The following SLC36A1 variants were observed in gnomAD, a reference collection of about 807,000 sequenced individuals.
The protein encoded by SLC36A1 is proton-coupled amino acid transporter 1.
SLC36A1 carries 30 observed loss-of-function variants against 47.5 expected under a neutral mutation model. That is an observed-to-expected ratio of 0.63 (90% CI 0.47 to 0.86). SLC36A1 has a LOEUF of 0.86. Ranked by LOEUF, SLC36A1 falls within the 40% of genes least tolerant of loss-of-function variation. The pLI is 0.00. For synonymous variants in SLC36A1, 255 were observed against 249.7 expected, an observed-to-expected ratio of 1.02 and a Z score of -0.20; for missense variants, 517 against 606.0, an observed-to-expected ratio of 0.85 and a Z score of 1.54.
At chr5:151,376,410 A>G in the SLC36A1 span, among the ~76,000 whole-genome samples, 2 of 151,678 alleles carry the variant, frequency 1.3e-5, no homozygotes, top group African/African-American at 2.4e-5. Flanking sequence ...TTTGTTTTCA[A>G]TTTCATTTAG....
chr5:151,443,375 G>A (rs1042718141), upstream of SLC36A1, among the ~76,000 whole-genome samples: 1 of 152,076 alleles, frequency 6.6e-6, no homozygotes, highest in African/African-American at 2.4e-5. Flanking sequence ...ACATGTATGA[G>A]GTGATATCTA....
the SLC36A1 span, among the ~76,000 whole-genome samples, chr5:151,376,331 G>T: frequency 1.3e-5 from 2 of 152,096 alleles, no homozygotes; most frequent in Non-Finnish European, 2.9e-5. Context: ...AGTCTAGCTA[G>T]AAGTTTGTCA....
the SLC36A1 span, among the ~76,000 whole-genome samples, chr5:151,345,051 A>G: frequency 6.6e-6 from 1 of 152,170 alleles, no homozygotes. Flanking sequence ...CCTTCCTTTA[A>G]GACAAATGCG....
intron 1 of SLC36A1, among the ~76,000 whole-genome samples, chr5:151,457,992 G>T (rs374987296): frequency 9.2e-5 from 14 of 152,034 alleles, no homozygotes; most frequent in African/African-American, 3.1e-4. Context: ...GGGATTACAG[G>T]CATGCACCAC....
At chr5:151,530,300 C>T in the SLC36A1 span, among the ~76,000 whole-genome samples, 3 of 150,460 alleles carry the variant, frequency 2.0e-5, no homozygotes, top group African/African-American at 7.3e-5. Flanking sequence ...AGACATGATG[C>T]AAACAGCATA....
the SLC36A1 span, among the ~76,000 whole-genome samples, chr5:151,370,348 G>A: frequency 6.6e-6 from 1 of 151,438 alleles, no homozygotes; most frequent in African/African-American, 2.4e-5. Context: ...TTATTGTGTT[G>A]TTGTTGTATA....
At chr5:151,404,598 T>C in the SLC36A1 span, among the ~76,000 whole-genome samples, 1 of 152,228 alleles carries the variant, frequency 6.6e-6, no homozygotes, top group African/African-American at 2.4e-5. Context: ...CTTTTGAGGC[T>C]GCTCTAGTGG....
the SLC36A1 span, among the ~76,000 whole-genome samples, chr5:151,430,233 T>G: frequency 6.6e-6 from 1 of 151,476 alleles, no homozygotes; most frequent in Non-Finnish European, 1.5e-5. Flanking sequence ...GGCATGATCT[T>G]GACTCAGTGC....
At chr5:151,543,610 A>G in the SLC36A1 span, 28 of 1,614,064 alleles carry the variant, frequency 1.7e-5, no homozygotes, top group South Asian at 1.6e-4. Flanking sequence ...ATCTTTGTCT[A>G]TGGCTAGCAA....
At chr5:151,472,727 C>T (rs529533719) in intron 7 of SLC36A1, among the ~76,000 whole-genome samples, 3 of 152,218 alleles carry the variant, frequency 2.0e-5, no homozygotes, top group Non-Finnish European at 4.4e-5. Context: ...AAAAATGTAC[C>T]ACTTTCTCTT....
the SLC36A1 span, among the ~76,000 whole-genome samples, chr5:151,349,402 G>A: frequency 6.6e-6 from 1 of 152,136 alleles, no homozygotes; most frequent in South Asian, 2.1e-4. Flanking sequence ...GGGTGGGGAT[G>A]TCCAAAATAA....
the SLC36A1 span, chr5:151,521,496 T>G: frequency 2.5e-6 from 4 of 1,614,242 alleles, no homozygotes; most frequent in Non-Finnish European, 3.4e-6. Context: ...TGATGGATGC[T>G]AGCTCCTGAA....
At chr5:151,550,534 CA>C in the SLC36A1 span, 1 of 1,570,368 alleles carries the variant, frequency 6.4e-7, no homozygotes, top group Non-Finnish European at 8.7e-7. Flanking sequence ...CAAGCATGTC[CA>C]CCCCTACACA....
At position 151,464,497 on chromosome 5, in the gene SLC36A1, G is replaced by A. The variant is rs1328334585; in HGVS notation, c.235-17G>A. The A allele has an allele frequency of 1.2e-6, 2 of 1,608,208 alleles. No individual in the cohort carries two copies. Among genetic ancestry groups the A allele is most frequent in the South Asian group, 2.2e-5 (2 of 90,952 alleles). ...CTACTTTTCTCTCTCTCTTTTGCCT[G>A]CAATATCTGTCCCCAGATGGGTCCC... is the stretch of plus-strand genomic sequence containing the variant. On this transcript the variant is annotated splice_polypyrimidine_tract_variant and intron_variant, in intron 3 of 10. Transcript: ENST00000243389.
At chr5:151,456,605 G>T (rs778601527) in intron 1 of SLC36A1, among the ~76,000 whole-genome samples, 3 of 151,998 alleles carry the variant, frequency 2.0e-5, no homozygotes, top group Admixed American at 2.0e-4. Flanking sequence ...GCTGGTTGGC[G>T]TCCTTGAATT....
chr5:151,394,964 T>G, the SLC36A1 span, among the ~76,000 whole-genome samples: 1 of 152,352 alleles, frequency 6.6e-6, no homozygotes, highest in South Asian at 2.1e-4. Flanking sequence ...CAGAGGTTTC[T>G]GCTGCCTTTT....
chr5:151,356,742 T>C, the SLC36A1 span, among the ~76,000 whole-genome samples: 1 of 152,216 alleles, frequency 6.6e-6, no homozygotes, highest in African/African-American at 2.4e-5. Context: ...GCCCCTCTTC[T>C]AGGCCATAGT....
At chr5:151,410,731 G>A in the SLC36A1 span, among the ~76,000 whole-genome samples, 1 of 144,420 alleles carries the variant, frequency 6.9e-6, no homozygotes, top group Non-Finnish European at 1.5e-5. Context: ...TGCAGGAGGA[G>A]AAATTTATGG....
chr5:151,381,208 T>A, the SLC36A1 span: 2 of 370,084 alleles, frequency 5.4e-6, no homozygotes, highest in Non-Finnish European at 1.1e-5. Context: ...ATGGACTATA[T>A]GCCTCCTCCT....
Sources: allele counts gnomAD v4.1 joint callset (sites outside exome capture counted in the v4.1 genomes callset), GRCh38; gene constraint gnomAD v4.1.1; transcripts MANE v1.5; gene names NCBI Gene and HGNC (gene_info 2026-07-23, HGNC 2026-07-21).